JAKMIP2: variants seen among roughly 807,000 people sequenced by gnomAD.
JAKMIP2 encodes the protein janus kinase and microtubule-interacting protein 2.
A neutral mutation model predicts 115.0 loss-of-function variants in JAKMIP2; 25 were observed. The ratio of observed to expected loss-of-function variants is 0.22; its 90% confidence interval spans 0.16 to 0.30. JAKMIP2 has a LOEUF of 0.30. JAKMIP2 is among the 10% of genes least tolerant of loss of function. The pLI, the probability that JAKMIP2 is intolerant of heterozygous loss-of-function variation, is 1.00. For synonymous variants in JAKMIP2, 334 were observed against 343.6 expected, an observed-to-expected ratio of 0.97 and a Z score of 0.31; for missense variants, 642 against 957.6, an observed-to-expected ratio of 0.67 and a Z score of 4.35.
At position 147,648,412 on chromosome 5, in the gene JAKMIP2, G is replaced by A. The variant is rs201572837; in HGVS notation, c.900C>T (p.Asp300=). 6.8e-6 allele frequency: 11 copies of A among 1,609,640 alleles called. No individual in the cohort carries two copies. The highest frequency in any genetic ancestry group is 1.3e-5 in the African/African-American group (1 of 74,794). Residue 300 remains aspartate, a synonymous_variant, in exon 5 of 22, where the codon GAC becomes GAT. Transcript: ENST00000616793. ...GTTCATCTCCAAGCAAGGTATTCCT[G>A]TCTTCTAATTTTCTTATAGTGGCAT... The part of the protein sequence containing the change: ...ELNATIRKLE[D]RNTLLGDERN...
chr5:147,612,284 A>T (rs1315929760), intron 20 of JAKMIP2, 22 bp downstream of exon 20: 1 of 1,372,136 alleles, frequency 7.3e-7, no homozygotes, highest in Admixed American at 1.7e-5. Context: ...ATAATAAGAT[A>T]GTTATTGAAT....
At chr5:147,669,418 G>A (rs1759467246) in intron 2 of JAKMIP2, among the ~76,000 whole-genome samples, 1 of 152,178 alleles carries the variant, frequency 6.6e-6, no homozygotes, top group African/African-American at 2.4e-5. Flanking sequence ...TGCTTGGCCT[G>A]CGGGCTTAGA....
chr5:147,675,681 A>T (rs1759903448), intron 1 of JAKMIP2, among the ~76,000 whole-genome samples: 1 of 151,936 alleles, frequency 6.6e-6, no homozygotes, highest in Non-Finnish European at 1.5e-5. Flanking sequence ...CAGCTCTCTC[A>T]GCCCTAGGCA....
At chr5:147,670,325 A>T (rs1759514586) in intron 2 of JAKMIP2, among the ~76,000 whole-genome samples, 1 of 152,190 alleles carries the variant, frequency 6.6e-6, no homozygotes, top group Non-Finnish European at 1.5e-5. Flanking sequence ...TGGAATAAAT[A>T]TATTTGTTGG....
chr5:147,664,977 T>A (rs556498134), intron 2 of JAKMIP2, among the ~76,000 whole-genome samples: 1 of 152,280 alleles, frequency 6.6e-6, no homozygotes, highest in Non-Finnish European at 1.5e-5. Context: ...CTTCCCAGTA[T>A]AAAATGACAA....
chr5:147,716,711 A>C (rs1331958555), intron 1 of JAKMIP2, among the ~76,000 whole-genome samples: 2 of 148,960 alleles, frequency 1.3e-5, no homozygotes, highest in African/African-American at 2.5e-5. Flanking sequence ...TTTCTTGTAA[A>C]TTTGTTGGAG....
chr5:147,759,187 A>G (rs375733341), intron 1 of JAKMIP2, among the ~76,000 whole-genome samples: 1 of 152,228 alleles, frequency 6.6e-6, no homozygotes, highest in East Asian at 1.9e-4. Context: ...TAATGAAAAC[A>G]AAAGAAAATA....
chr5:147,781,022 G>C (rs1755737945), intron 1 of JAKMIP2, among the ~76,000 whole-genome samples: 1 of 152,006 alleles, frequency 6.6e-6, no homozygotes, highest in Non-Finnish European at 1.5e-5. Context: ...CGCATCTTTA[G>C]TCTCCTGAAC....
chr5:147,725,435 G>A (rs74843680), intron 1 of JAKMIP2, among the ~76,000 whole-genome samples: 16,582 of 151,854 alleles, frequency 0.11, 1,127 homozygotes, highest in Middle Eastern at 0.2. Flanking sequence ...ATTCTTTCTC[G>A]TGCAAGGTCC....
At chr5:147,628,207 T>G (rs1757193677) in intron 16 of JAKMIP2, among the ~76,000 whole-genome samples, 1 of 152,086 alleles carries the variant, frequency 6.6e-6, no homozygotes, top group African/African-American at 2.4e-5. Flanking sequence ...ATTCATGAGG[T>G]ACTCTGAATA....
chr5:147,598,690 G>T (rs565681561), intron 21 of JAKMIP2, among the ~76,000 whole-genome samples: 2 of 152,060 alleles, frequency 1.3e-5, no homozygotes, highest in Non-Finnish European at 2.9e-5. Flanking sequence ...TCTAGGGAGC[G>T]TTCGATGGCT....
chr5:147,656,828 T>C (rs887995972), intron 3 of JAKMIP2, among the ~76,000 whole-genome samples: 1 of 152,208 alleles, frequency 6.6e-6, no homozygotes, highest in African/African-American at 2.4e-5. Context: ...AAGTACTGGT[T>C]TTTTCTTTCT....
Position 147,757,287 on chromosome 5 carries a change from G to A in JAKMIP2, c.-149+25169C>T, listed in dbSNP as rs80187054. Among the ~76,000 whole-genome samples the A allele has an allele frequency of 3.1e-4, 47 of 152,196 alleles. No homozygotes were observed. In the East Asian group the frequency reaches 7.5e-3, roughly 24 times the overall value. Reference sequence around the variant, plus strand: ...TCTAGTAAAGTGGACTATCAAGGGCGAGGGAGAACCCTTCACAGGTGAAGT... The same window carrying A: ...TCTAGTAAAGTGGACTATCAAGGGCAAGGGAGAACCCTTCACAGGTGAAGT... On this transcript the variant is annotated intron_variant, in intron 1 of 21. Transcript: ENST00000616793.
intron 1 of JAKMIP2, among the ~76,000 whole-genome samples, chr5:147,692,508 A>T (rs1392241251): frequency 6.6e-6 from 1 of 152,172 alleles, no homozygotes; most frequent in African/African-American, 2.4e-5. Flanking sequence ...AATATCAGCT[A>T]TTTTTCTAAA....
At chr5:147,663,657 C>T (rs903167261) in intron 2 of JAKMIP2, among the ~76,000 whole-genome samples, 1 of 152,184 alleles carries the variant, frequency 6.6e-6, no homozygotes, top group African/African-American at 2.4e-5. Context: ...TAATAGTTAA[C>T]CTACCTTTAG....
chr5:147,658,280 G>T (rs1398387231), intron 3 of JAKMIP2, among the ~76,000 whole-genome samples: 1 of 152,170 alleles, frequency 6.6e-6, no homozygotes, highest in Non-Finnish European at 1.5e-5. Flanking sequence ...TCTTCTGCAG[G>T]TCTGCTGGAG....
chr5:147,723,886 A>G (rs1437530608), intron 1 of JAKMIP2, among the ~76,000 whole-genome samples: 1 of 152,170 alleles, frequency 6.6e-6, no homozygotes, highest in African/African-American at 2.4e-5. Flanking sequence ...CCAAAGAGAG[A>G]TGTATAACGT....
chr5:147,611,772 C>A, intron 20 of JAKMIP2, among the ~76,000 whole-genome samples: 1 of 152,160 alleles, frequency 6.6e-6, no homozygotes, highest in Non-Finnish European at 1.5e-5. Context: ...TCTGTAAGAG[C>A]CATGTTGTTA....
At chr5:147,634,583 C>T (rs1035496556) in intron 12 of JAKMIP2, among the ~76,000 whole-genome samples, 3 of 152,164 alleles carry the variant, frequency 2.0e-5, no homozygotes, top group African/African-American at 4.8e-5. Flanking sequence ...GTTAACGAAA[C>T]AATTAGATCA....
Sources: gnomAD v4.1 joint callset for allele counts (sites outside exome capture counted in the v4.1 genomes callset) on GRCh38, gnomAD v4.1.1 for gene constraint, MANE v1.5 for transcripts, NCBI Gene and HGNC (gene_info 2026-07-23, HGNC 2026-07-21) for gene names.